Variants in TPBGL observed in about 807,000 individuals in gnomAD.
TPBGL encodes trophoblast glycoprotein-like.
For missense variants in TPBGL, 685 were observed against 609.4 expected (o/e 1.12, Z -1.31); for synonymous variants, 380 against 314.8 (o/e 1.21, Z -2.19).
In TPBGL at chr11:75,243,013, C is replaced by G. The variant is rs1178555659; in HGVS notation, c.*815C>G. ...TTCGTCCTCCTGCCCAAGCCTTTGG[C>G]TCTTGACCCCCCCCCCATACCCAAT... On this transcript the variant is annotated 3_prime_UTR_variant, in exon 1 of 1. Transcript: ENST00000562197. 1 of 143,578 alleles carries G rather than the reference C, an allele frequency of 7.0e-6. No homozygotes were observed. Among genetic ancestry groups the G allele is most frequent in the African/African-American group, 2.6e-5 (1 of 37,830 alleles). The allele number at this position is 143,578 out of a possible 1,614,324, so 8.9% of individuals were successfully genotyped here.
rs555128068 is a variant in TPBGL at position 75,242,233 on chromosome 11, G to T, written c.*35G>T. ...CCGGGCTCGGGGCTTCCCTTGCCTG[G>T]CCCGAAGCCGTGGAGATGAGACACC... is the stretch of plus-strand genomic sequence containing the variant. On this transcript the variant is annotated 3_prime_UTR_variant, in exon 1 of 1. Transcript: ENST00000562197. The T allele has an allele frequency of 2.8e-6, 3 of 1,084,830 alleles. No homozygotes were observed. Among genetic ancestry groups the T allele is most frequent in the South Asian group, 8.7e-5 (2 of 23,088 alleles). The allele number at this position is 1,084,830 out of a possible 1,614,324, so 67.2% of individuals were successfully genotyped here.
Position 75,241,629 on chromosome 11 carries a change from C to G in TPBGL, c.580C>G (p.Leu194Val). The change falls in exon 1 of 1, where the codon CTG becomes GTG. Residue 194 changes from leucine to valine, a missense_variant. By Grantham distance (32) the Leu-to-Val change is conservative. Coordinates refer to ENST00000562197, the MANE Select transcript of TPBGL (RefSeq NM_001195528.2). ...LSRLPPAALR[L>V]ARLEQLDVRL... ...CCGTCTGCCGCCAGCCGCCCTGCGC[C>G]TGGCGCGCCTGGAGCAGCTGGACGT... is the stretch of plus-strand genomic sequence containing the variant. The G allele has an allele frequency of 7.6e-7, 1 of 1,314,212 alleles. No homozygotes were observed. Among genetic ancestry groups the G allele is most frequent in the Non-Finnish European group, 9.8e-7 (1 of 1,024,662 alleles). 81.4% of individuals were successfully genotyped at this position (1,314,212 alleles called of 1,614,324 possible).
At position 75,241,595 on chromosome 11, in the gene TPBGL, C is replaced by T; in HGVS notation, c.546C>T (p.Asn182=). Residue 182 remains asparagine, a synonymous_variant, in exon 1 of 1, where the codon AAC becomes AAT. Coordinates refer to ENST00000562197, the MANE Select transcript of TPBGL (RefSeq NM_001195528.2). ...AELRLLGLAG[N]ALSRLPPAAL... ...TTCGCCTGCTGGGCCTAGCGGGCAA[C>T]GCGCTGAGCCGTCTGCCGCCAGCCG... 2.3e-6 allele frequency: 3 copies of T among 1,314,750 alleles called. No individual in the cohort carries two copies. Among genetic ancestry groups the T allele is most frequent in the South Asian group, 1.6e-5 (1 of 62,894 alleles). 81.4% of individuals were successfully genotyped at this position (1,314,750 alleles called of 1,614,324 possible).
At position 75,241,040 on chromosome 11, in the gene TPBGL, G is replaced by A. The variant is rs1488529606; in HGVS notation, c.-10G>A. ...CGGCGGCCCGGGCGCTGGATGCGGG[G>A]GCGGCCGCGATGGCCCCGCGCGCGG... On this transcript the variant is annotated 5_prime_UTR_variant, in exon 1 of 1. Coordinates refer to ENST00000562197, the MANE Select transcript of TPBGL (RefSeq NM_001195528.2). The A allele has an allele frequency of 2.5e-6, 3 of 1,223,788 alleles. No individual in the cohort carries two copies. Among genetic ancestry groups the A allele is most frequent in the African/African-American group, 3.2e-5 (2 of 63,110 alleles). The allele number at this position is 1,223,788 out of a possible 1,614,324, so 75.8% of individuals were successfully genotyped here.
In TPBGL at chr11:75,243,591, G is replaced by A. The variant is rs1945619897; in HGVS notation, c.*1393G>A. 6.6e-6 allele frequency: 1 copy of A among 152,296 alleles called. No homozygotes were observed. The highest frequency in any genetic ancestry group is 2.1e-4 in the South Asian group (1 of 4,830). 9.4% of individuals were successfully genotyped at this position (152,296 alleles called of 1,614,324 possible). ...CCTGTGCTGCGTCTGCACACAGGAA[G>A]TCACCTTCCTTTAATATATTGGCTT... is the stretch of plus-strand genomic sequence containing the variant. On this transcript the variant is annotated 3_prime_UTR_variant, in exon 1 of 1. Transcript: ENST00000562197.
chr11:75,241,768 G>C lies in TPBGL; in HGVS notation c.719G>C (p.Cys240Ser). The C allele has an allele frequency of 1.1e-5, 14 of 1,308,588 alleles. No individual in the cohort carries two copies. Among genetic ancestry groups the C allele is most frequent in the Admixed American group, 3.5e-5 (1 of 28,660 alleles). The allele number at this position is 1,308,588 out of a possible 1,614,324, so 81.1% of individuals were successfully genotyped here. Residue 240 changes from cysteine (C) to serine (S), a missense_variant, in exon 1 of 1, where the codon TGT (cysteine) becomes TCT (serine). Physicochemically the swap from Cys to Ser is moderately radical, Grantham distance 112. Coordinates refer to ENST00000562197, the MANE Select transcript of TPBGL (RefSeq NM_001195528.2). ...LLADNPLRCG[C>S]AARPLLAWLR... is the part of the protein sequence containing the mutation. ...GCCGACAACCCCCTGCGCTGCGGCT[G>C]TGCCGCACGCCCCCTGCTGGCCTGG...
rs1375415596 is a variant in TPBGL at position 75,241,953 on chromosome 11, C to T, written c.904C>T (p.Pro302Ser). The T allele has an allele frequency of 6.7e-7, 1 of 1,492,000 alleles. No individual in the cohort carries two copies. Among genetic ancestry groups the T allele is most frequent in the East Asian group, 2.7e-5 (1 of 36,476 alleles). The allele number at this position is 1,492,000 out of a possible 1,614,324, so 92.4% of individuals were successfully genotyped here. A position where few individuals can be genotyped will look rare whatever the true frequency, so the allele number is the denominator to read the frequency against. The change falls in exon 1 of 1, where the codon CCG becomes TCG. Residue 302 changes from proline to serine, a missense_variant. Coordinates refer to ENST00000562197, the MANE Select transcript of TPBGL (RefSeq NM_001195528.2). ...ARGEEAEAAGPELEASYVFFG... is the reference protein window; with the variant it reads ...ARGEEAEAAGSELEASYVFFG... ...CGGAGAGGAGGCGGAGGCCGCCGGC[C>T]CGGAGCTGGAAGCCTCCTACGTGTT...
rs1050272609 is a variant in TPBGL, at chr11:75,241,733, C to T, written c.684C>T (p.Arg228=). 41 of 1,280,474 alleles carry T rather than the reference C, an allele frequency of 3.2e-5. No homozygotes were observed. The highest frequency in any genetic ancestry group is 2.9e-4 in the African/African-American group (18 of 63,046). 79.3% of individuals were successfully genotyped at this position (1,280,474 alleles called of 1,614,324 possible). The change falls in exon 1 of 1, where the codon CGC becomes CGT. Residue 228 remains arginine, a synonymous_variant. Transcript: ENST00000562197. The part of the protein sequence containing the change: ...LERDGGLPGP[R]LLLADNPLRC... ...GCGATGGCGGCCTCCCCGGGCCGCGCCTGCTGCTCGCCGACAACCCCCTGC... is the reference window on the plus strand; with the variant it reads ...GCGATGGCGGCCTCCCCGGGCCGCGTCTGCTGCTCGCCGACAACCCCCTGC...
chr11:75,242,342 C>A lies in TPBGL; in HGVS notation c.*144C>A. The A allele has an allele frequency of 1.0e-6, 1 of 986,722 alleles. No homozygotes were observed. The highest frequency in any genetic ancestry group is 1.2e-6 in the Non-Finnish European group (1 of 820,028). 61.1% of individuals were successfully genotyped at this position (986,722 alleles called of 1,614,324 possible). A position where few individuals can be genotyped will look rare whatever the true frequency, so the allele number is the denominator to read the frequency against. ...CGTTCCCGCCTCCGAGAGCTCCCAC[C>A]GTCAAAGACCCAGAGATAGCCGGTC... On this transcript the variant is annotated 3_prime_UTR_variant, in exon 1 of 1. Coordinates refer to ENST00000562197, the MANE Select transcript of TPBGL (RefSeq NM_001195528.2).
In TPBGL at chr11:75,241,887, G is replaced by A. The variant is rs766337563; in HGVS notation, c.838G>A (p.Gly280Arg). 1.4e-5 allele frequency: 20 copies of A among 1,461,932 alleles called. 1 individual carries two copies. The South Asian group carries it at 1.5e-4, about 11-fold the overall frequency. 90.6% of individuals were successfully genotyped at this position (1,461,932 alleles called of 1,614,324 possible). The change falls in exon 1 of 1, where the codon GGG becomes AGG. Residue 280 changes from glycine to arginine, a missense_variant. Transcript: ENST00000562197. The stretch of plus-strand genomic sequence containing the variant: ...AGACCGGCCGCTACTGGACCTGGAC[G>A]GGGCGCGGCTTCGCTGCGCGGACAG... ...LLDRPLLDLDGARLRCADSGA... is the reference protein window; with the variant it reads ...LLDRPLLDLDRARLRCADSGA...
rs1945611143 is a variant in TPBGL at position 75,242,736 on chromosome 11, C to T, written c.*538C>T. ...GGGCTCTGAGGATTGGGCACCCTCC[C>T]CTCATCTAAGAATATATTTCATACC... On this transcript the variant is annotated 3_prime_UTR_variant, in exon 1 of 1. Transcript: ENST00000562197. 6.6e-6 allele frequency: 1 copy of T among 152,136 alleles called. No homozygotes were observed. The highest frequency in any genetic ancestry group is 6.5e-5 in the Admixed American group (1 of 15,284). The allele number at this position is 152,136 out of a possible 1,614,324, so 9.4% of individuals were successfully genotyped here. A position where few individuals can be genotyped will look rare whatever the true frequency, so the allele number is the denominator to read the frequency against.
Position 75,241,498 on chromosome 11 carries a change from A to C in TPBGL, c.449A>C (p.Asn150Thr). 1 of 1,230,134 alleles carries C rather than the reference A, an allele frequency of 8.1e-7. No individual in the cohort carries two copies. Among genetic ancestry groups the C allele is most frequent in the Non-Finnish European group, 1.0e-6 (1 of 988,344 alleles). The allele number at this position is 1,230,134 out of a possible 1,614,324, so 76.2% of individuals were successfully genotyped here. ...CCCGCGCTGCGCTCGCTGCAGCTCA[A>C]CCACGCGCTGGTGCGCGGCGGCCCC... ...GLPALRSLQL[N>T]HALVRGGPAL... The change falls in exon 1 of 1, where the codon AAC (asparagine) becomes ACC (threonine). Residue 150 changes from asparagine (N) to threonine (T), a missense_variant. By Grantham distance (65) the Asn-to-Thr change is moderately conservative (BLOSUM62 0). Transcript: ENST00000562197.
Position 75,241,310 on chromosome 11 carries a change from G to C in TPBGL, c.261G>C (p.Gln87His). The stretch of plus-strand genomic sequence containing the variant: ...CCGGCGGGGACGGGGACGGCGACCA[G>C]GCGGCGGGCGTGCGCCTGCCGCTCC... ...AFAGGDGDGD[Q>H]AAGVRLPLLS... The change falls in exon 1 of 1, where the codon CAG (glutamine) becomes CAC (histidine). Residue 87 changes from glutamine to histidine, a missense_variant. By Grantham distance (24) the Gln-to-His change is conservative (BLOSUM62 0). Coordinates refer to ENST00000562197, the MANE Select transcript of TPBGL (RefSeq NM_001195528.2). 7.4e-7 allele frequency: 1 copy of C among 1,346,008 alleles called. No individual in the cohort carries two copies. The highest frequency in any genetic ancestry group is 9.5e-7 in the Non-Finnish European group (1 of 1,055,208). The allele number at this position is 1,346,008 out of a possible 1,614,324, so 83.4% of individuals were successfully genotyped here. A position where few individuals can be genotyped will look rare whatever the true frequency, so the allele number is the denominator to read the frequency against.
rs561327607 is a variant in TPBGL, at chr11:75,241,077, C to T, written c.28C>T (p.Leu10Phe). 4.1e-5 allele frequency: 54 copies of T among 1,320,276 alleles called. No homozygotes were observed. The highest frequency in any genetic ancestry group is 5.1e-5 in the Non-Finnish European group (53 of 1,035,886). 81.8% of individuals were successfully genotyped at this position (1,320,276 alleles called of 1,614,324 possible). A position where few individuals can be genotyped will look rare whatever the true frequency, so the allele number is the denominator to read the frequency against. Residue 10 changes from leucine to phenylalanine, a missense_variant, in exon 1 of 1, where the codon CTC becomes TTC. Physicochemically the swap from Leu to Phe is conservative, Grantham distance 22. Coordinates refer to ENST00000562197, the MANE Select transcript of TPBGL (RefSeq NM_001195528.2). ...GGCCCCGCGCGCGGGACAGCCGGGG[C>T]TCCAGGGGCTGCTGCTCGTGGCGGC... The part of the protein sequence containing the change: MAPRAGQPG[L>F]QGLLLVAAAL...
Position 75,241,714 on chromosome 11 carries a change from G to A in TPBGL, c.665G>A (p.Gly222Asp). 1.6e-6 allele frequency: 2 copies of A among 1,265,512 alleles called. No homozygotes were observed. Among genetic ancestry groups the A allele is most frequent in the South Asian group, 2.1e-5 (1 of 47,850 alleles). The allele number at this position is 1,265,512 out of a possible 1,614,324, so 78.4% of individuals were successfully genotyped here. A position where few individuals can be genotyped will look rare whatever the true frequency, so the allele number is the denominator to read the frequency against. ...PDELRALERD[G>D]GLPGPRLLLA... is the part of the protein sequence containing the mutation. The stretch of plus-strand genomic sequence containing the variant: ...GAGCTGCGCGCGCTGGAGCGCGATG[G>A]CGGCCTCCCCGGGCCGCGCCTGCTG... The change falls in exon 1 of 1, where the codon GGC becomes GAC. Residue 222 changes from glycine to aspartate, a missense_variant. By Grantham distance (94) the Gly-to-Asp change is moderately conservative. Transcript: ENST00000562197.
Position 75,241,810 on chromosome 11 carries a change from A to G in TPBGL, c.761A>G (p.Glu254Gly). The part of the protein sequence containing the change: ...PLLAWLRNAT[E>G]RVPDSRRLRC... ...CTGGCCTGGCTGCGCAACGCCACGG[A>G]GCGCGTGCCCGACTCGCGGCGCCTG... The change falls in exon 1 of 1, where the codon GAG (glutamate) becomes GGG (glycine). Residue 254 changes from glutamate to glycine, a missense_variant. Transcript: ENST00000562197. 7.7e-7 allele frequency: 1 copy of G among 1,293,958 alleles called. No homozygotes were observed. The allele number at this position is 1,293,958 out of a possible 1,614,324, so 80.2% of individuals were successfully genotyped here.
At position 75,241,128 on chromosome 11, in the gene TPBGL, T is replaced by C; in HGVS notation, c.79T>C (p.Cys27Arg). The C allele has an allele frequency of 7.0e-7, 1 of 1,438,274 alleles. No homozygotes were observed. Among genetic ancestry groups the C allele is most frequent in the Non-Finnish European group, 9.1e-7 (1 of 1,096,220 alleles). 89.1% of individuals were successfully genotyped at this position (1,438,274 alleles called of 1,614,324 possible). Residue 27 changes from cysteine to arginine, a missense_variant, in exon 1 of 1, where the codon TGC becomes CGC. Cys to Arg is a radical substitution (Grantham distance 180). Transcript: ENST00000562197. ...AAALSQPAAP[C>R]PFQCYCFGGP... is the part of the protein sequence containing the mutation. Reference sequence around the variant, plus strand: ...GGCGCTGAGCCAGCCCGCGGCACCCTGCCCCTTCCAGTGCTACTGCTTCGG... The same window carrying C: ...GGCGCTGAGCCAGCCCGCGGCACCCCGCCCCTTCCAGTGCTACTGCTTCGG...
chr11:75,242,113 AC>A lies in TPBGL; in HGVS notation c.1065del (p.Tyr355Ter). 1 of 1,317,068 alleles carries A rather than the reference AC, an allele frequency of 7.6e-7. No homozygotes were observed. The highest frequency in any genetic ancestry group is 9.7e-7 in the Non-Finnish European group (1 of 1,028,528). The allele number at this position is 1,317,068 out of a possible 1,614,324, so 81.6% of individuals were successfully genotyped here. On this transcript the variant is annotated frameshift_variant, in exon 1 of 1. Transcript: ENST00000562197. LOFTEE classifies it low-confidence loss of function (END_TRUNC). Reference sequence around the variant, plus strand: ...CAGATGGAGGGCTACCACTACCGCTACGAGCAGGACGCCGACCCGCGCCGCG... The same window carrying A: ...CAGATGGAGGGCTACCACTACCGCTAGAGCAGGACGCCGACCCGCGCCGCG... The part of the protein sequence containing the change: ...RDQMEGYHYR[Y>X]EQDADPRRAP...
chr11:75,241,450 G>A lies in TPBGL; in HGVS notation c.401G>A (p.Gly134Asp). The change falls in exon 1 of 1, where the codon GGC becomes GAC. Residue 134 changes from glycine (G) to aspartate (D), a missense_variant. Gly to Asp is a moderately conservative substitution (Grantham distance 94, BLOSUM62 -1). Coordinates refer to ENST00000562197, the MANE Select transcript of TPBGL (RefSeq NM_001195528.2). ...AGCCACAACCCGCTGCGCGCCCTGG[G>A]CGGCGGCGCCTTCCGCGGGCTGCCC... The part of the protein sequence containing the change: ...DLSHNPLRAL[G>D]GGAFRGLPAL... 3 of 1,277,156 alleles carry A rather than the reference G, an allele frequency of 2.3e-6. No individual in the cohort carries two copies. The highest frequency in any genetic ancestry group is 2.0e-6 in the Non-Finnish European group (2 of 1,014,394). 79.1% of individuals were successfully genotyped at this position (1,277,156 alleles called of 1,614,324 possible).
Sources: gnomAD v4.1 joint callset for allele counts on GRCh38, gnomAD v4.1.1 for gene constraint, MANE v1.5 for transcripts, NCBI Gene and HGNC (gene_info 2026-07-23, HGNC 2026-07-21) for gene names.